The following OGA variants were observed in gnomAD, a reference collection of about 807,000 sequenced individuals.
The protein encoded by OGA is protein O-GlcNAcase.
Under a neutral mutation model 102.0 loss-of-function variants are expected in OGA, and 21 were observed. The ratio of observed to expected loss-of-function variants is 0.21; its 90% CI spans 0.15 to 0.30. OGA has a LOEUF of 0.30. Among genes scored for constraint, OGA ranks in the 10% least tolerant of loss-of-function variants. The probability of loss-of-function intolerance (pLI) is 1.00; values close to 1 mark genes in which losing one functional copy is unlikely to be tolerated. For synonymous variants in OGA, 408 were observed against 378.2 expected (o/e 1.08, Z -0.91); for missense variants, 765 against 1,107.8 (o/e 0.69, Z 4.39).
In OGA at chr10:101,803,877, T is replaced by C. The variant is rs545346329; in HGVS notation, c.894A>G (p.Gly298=). The C allele has an allele frequency of 1.9e-6, 3 of 1,614,240 alleles. No individual in the cohort carries two copies. The Admixed American group carries it at 5.0e-5, about 27-fold the overall frequency. ...ACCGTGGGATGAGTTCTGTGGATCTTCCTTTGTACGGGCCCAGAAACAGTC... is the reference window on the plus strand; with the variant it reads ...ACCGTGGGATGAGTTCTGTGGATCTCCCTTTGTACGGGCCCAGAAACAGTC... The part of the protein sequence containing the change: ...QKRLFLGPYK[G]RSTELIPRLK... The change falls in exon 7 of 16, where the codon GGA becomes GGG. Residue 298 remains glycine, a synonymous_variant. Transcript: ENST00000361464.
chr10:101,794,877 G>A (rs1011424237), intron 10 of OGA, among the ~76,000 whole-genome samples: 7 of 152,130 alleles, frequency 4.6e-5, no homozygotes, highest in Non-Finnish European at 8.8e-5. Context: ...ATAAAGCAGC[G>A]CAATATAGTT....
intron 3 of OGA, among the ~76,000 whole-genome samples, chr10:101,810,903 C>G (rs2065545569): frequency 6.6e-6 from 1 of 151,836 alleles, no homozygotes; most frequent in Admixed American, 6.6e-5. Context: ...ATTGCCCAGG[C>G]TGGTCTCGAA....
At chr10:101,810,425 T>A (rs2065538695) in intron 3 of OGA, 111 bp from the exon 4 acceptor site, 1 of 1,018,430 alleles carries the variant, frequency 9.8e-7, no homozygotes, top group Admixed American at 2.6e-5. Flanking sequence ...AAGGAAAAGA[T>A]CCTCACATTT....
At chr10:101,788,734 CAA>C (rs755718266) in intron 14 of OGA, among the ~76,000 whole-genome samples, 15 of 76,464 alleles carry the variant, frequency 2.0e-4, no homozygotes, top group Admixed American at 2.9e-4. Context: ...AACTCCGTCT[CAA>C]AAAAAAAAAA....
chr10:101,812,003 C>A (rs2065564805), intron 3 of OGA, among the ~76,000 whole-genome samples: 1 of 152,128 alleles, frequency 6.6e-6, no homozygotes, highest in Non-Finnish European at 1.5e-5. Context: ...AACCACAACA[C>A]TAGATGGAGA....
intron 1 of OGA, among the ~76,000 whole-genome samples, chr10:101,814,298 A>C (rs2065594538): frequency 6.6e-6 from 1 of 152,198 alleles, no homozygotes; most frequent in South Asian, 2.1e-4. Context: ...ACTGCACTAC[A>C]GCCTGGGCTA....
chr10:101,794,002 T>C lies in OGA; in HGVS notation c.1985-4A>G. ...GCTGAAGAATGACTACGACACCCTG[T>C]TGAGATCAGATCCAAGCGGAGAACG... On this transcript the variant is annotated splice_polypyrimidine_tract_variant and splice_region_variant and intron_variant, in intron 10 of 15. Coordinates refer to ENST00000361464, the MANE Select transcript of OGA (RefSeq NM_012215.5). The C allele has an allele frequency of 6.2e-7, 1 of 1,609,880 alleles. No individual in the cohort carries two copies. Among genetic ancestry groups the C allele is most frequent in the Non-Finnish European group, 8.5e-7 (1 of 1,176,476 alleles).
chr10:101,807,724 C>T lies in OGA; in HGVS notation c.652+6G>A. On this transcript the variant is annotated splice_donor_region_variant and intron_variant, in intron 5 of 15. Transcript: ENST00000361464. The stretch of plus-strand genomic sequence containing the variant: ...TAGTTAAATGTAAAGCCATTATATA[C>T]AATACCTGTGGGACAGAAGAGGAAA... The T allele has an allele frequency of 6.3e-7, 1 of 1,577,636 alleles. No homozygotes were observed. The highest frequency in any genetic ancestry group is 1.2e-5 in the South Asian group (1 of 85,750).
At chr10:101,786,898 G>C (rs1040453219) in intron 15 of OGA, among the ~76,000 whole-genome samples, 1 of 152,206 alleles carries the variant, frequency 6.6e-6, no homozygotes, top group Non-Finnish European at 1.5e-5. Flanking sequence ...CTCCCGAGTA[G>C]CTGGGATTAC....
chr10:101,813,674 A>T, intron 1 of OGA, 68 bp from the exon 2 acceptor site: 2 of 969,574 alleles, frequency 2.1e-6, no homozygotes, highest in Non-Finnish European at 1.6e-6. Flanking sequence ...GAGAAAAGCA[A>T]GTTACAAAAC....
At chr10:101,808,871 G>A (rs1033861385) in intron 4 of OGA, among the ~76,000 whole-genome samples, 2 of 152,200 alleles carry the variant, frequency 1.3e-5, no homozygotes, top group Admixed American at 1.3e-4. Context: ...TCAGGAGGCT[G>A]AGGCCAGAGA....
In OGA at chr10:101,785,637, CCAAAGA is replaced by C. The variant is rs2065184113; in HGVS notation, c.*808_*813del. On this transcript the variant is annotated 3_prime_UTR_variant, in exon 16 of 16. Transcript: ENST00000361464. ...AAAAAGAACAAAAACAACCCCAAAC[CCAAAGA>C]CAAAAGTAAAGAAAATCCACTTTTC... 6.6e-6 allele frequency: 1 copy of C among 152,546 alleles called. No individual in the cohort carries two copies. The highest frequency in any genetic ancestry group is 2.1e-4 in the South Asian group (1 of 4,822). The allele number at this position is 152,546 out of a possible 1,614,324, so 9.4% of individuals were successfully genotyped here. A position where few individuals can be genotyped will look rare whatever the true frequency, so the allele number is the denominator to read the frequency against.
chr10:101,814,391 A>G (rs2065595942), intron 1 of OGA, among the ~76,000 whole-genome samples: 1 of 152,182 alleles, frequency 6.6e-6, no homozygotes, highest in Non-Finnish European at 1.5e-5. Context: ...CAAATCAGAG[A>G]TAGGATTAGG....
Position 101,798,895 on chromosome 10 carries a change from G to C in OGA, c.1756C>G (p.Arg586Gly). The stretch of plus-strand genomic sequence containing the variant: ...ACACTGACAACACTACTATTTGCTC[G>C]AAGCCATTGAAATTCCCGTAACATC... Reference protein sequence around the residue: ...AQMLREFQWLRANSSVVSVNC... With the variant: ...AQMLREFQWLGANSSVVSVNC... Residue 586 changes from arginine to glycine, a missense_variant, in exon 9 of 16, where the codon CGA (arginine) becomes GGA (glycine). Arg to Gly is a moderately radical substitution (Grantham distance 125). Coordinates refer to ENST00000361464, the MANE Select transcript of OGA (RefSeq NM_012215.5). 1.9e-6 allele frequency: 3 copies of C among 1,614,050 alleles called. No individual in the cohort carries two copies. Among genetic ancestry groups the C allele is most frequent in the South Asian group, 1.1e-5 (1 of 91,074 alleles).
chr10:101,816,812 G>GA (rs11397528), intron 1 of OGA, among the ~76,000 whole-genome samples: 2,848 of 151,654 alleles, frequency 0.019, 87 homozygotes, highest in African/African-American at 0.065. Flanking sequence ...TTTATATGGT[G>GA]AAAAAAAACA....
chr10:101,792,752 G>A (rs2065273819), intron 12 of OGA, 87 bp downstream of exon 12: 1 of 889,268 alleles, frequency 1.1e-6, no homozygotes, highest in Non-Finnish European at 1.8e-6. Flanking sequence ...TAAGACAGAA[G>A]GATTCCTTTA....
chr10:101,812,522 C>A (rs1252769970), intron 3 of OGA, among the ~76,000 whole-genome samples: 2 of 152,166 alleles, frequency 1.3e-5, no homozygotes, highest in East Asian at 3.8e-4. Flanking sequence ...CATACTAGAG[C>A]CTGAAGCAAA....
intron 10 of OGA, among the ~76,000 whole-genome samples, chr10:101,794,258 TTGTC>T (rs2065291217): frequency 6.6e-6 from 1 of 152,260 alleles, no homozygotes; most frequent in Non-Finnish European, 1.5e-5. Context: ...AGTCCCAAGT[TTGTC>T]TGAGTCAACT....
In OGA at chr10:101,799,208, A is replaced by G. The variant is rs1329589784; in HGVS notation, c.1443T>C (p.Asn481=). The change falls in exon 9 of 16, where the codon AAT becomes AAC. Residue 481 remains asparagine, a synonymous_variant. Coordinates refer to ENST00000361464, the MANE Select transcript of OGA (RefSeq NM_012215.5). ...CTTCAACAATTTCACTCAGTATTTGATTGTCATTCTTGTGGTCCGTTTCTT... is the reference window on the plus strand; with the variant it reads ...CTTCAACAATTTCACTCAGTATTTGGTTGTCATTCTTGTGGTCCGTTTCTT... ...KQEETDHKND[N]QILSEIVEAK... The G allele has an allele frequency of 1.2e-6, 2 of 1,614,042 alleles. No homozygotes were observed. The highest frequency in any genetic ancestry group is 1.7e-5 in the Admixed American group (1 of 60,002).
Sources: gnomAD v4.1 joint callset for allele counts (sites outside exome capture counted in the v4.1 genomes callset) on GRCh38, gnomAD v4.1.1 for gene constraint, MANE v1.5 for transcripts, NCBI Gene and HGNC (gene_info 2026-07-23, HGNC 2026-07-21) for gene names.